The following ST7L variants were observed in gnomAD, a reference collection of about 807,000 sequenced individuals.
ST7L encodes the protein suppressor of tumorigenicity 7 protein-like.
Under a neutral mutation model 72.5 loss-of-function variants are expected in ST7L, and 57 were observed. The observed-to-expected ratio is 0.79, with a 90% CI of 0.64 to 0.98. The LOEUF (loss-of-function observed/expected upper bound fraction) is 0.98. Ranked by LOEUF, ST7L falls within the 50% of genes least tolerant of loss-of-function variation. The pLI is 0.00. For missense variants in ST7L, 576 were observed against 672.2 expected, an observed-to-expected ratio of 0.86 and a Z score of 1.58; for synonymous variants, 221 against 240.9, an observed-to-expected ratio of 0.92 and a Z score of 0.77.
chr1:112,551,210 G>A lies in ST7L; in HGVS notation c.1397-517C>T, dbSNP rs374378226. On this transcript the variant is annotated intron_variant, in intron 12 of 14. Coordinates refer to ENST00000358039, the MANE Select transcript of ST7L (RefSeq NM_017744.5). ...GTTGCCCAGGCTGGAGTGCAGTGGC[G>A]TGATCTTGGCTCACTACAAGCTCTG... Among the ~76,000 whole-genome samples, 330 of 138,232 alleles carry A rather than the reference G, an allele frequency of 2.4e-3. 2 individuals carry two copies. Among genetic ancestry groups the A allele is most frequent in the African/African-American group, 7.6e-3 (278 of 36,502 alleles). The allele number at this position is 138,232 out of a possible 152,430, so 90.7% of individuals were successfully genotyped here. A position where few individuals can be genotyped will look rare whatever the true frequency, so the allele number is the denominator to read the frequency against.
At chr1:112,530,384 A>C (rs1005153012) in intron 14 of ST7L, among the ~76,000 whole-genome samples, 10 of 152,052 alleles carry the variant, frequency 6.6e-5, no homozygotes, top group Non-Finnish European at 2.9e-5. Flanking sequence ...TTACATGCCT[A>C]ATTTGTATAA....
At chr1:112,563,797 C>T (rs563668406) in intron 11 of ST7L, among the ~76,000 whole-genome samples, 1 of 152,274 alleles carries the variant, frequency 6.6e-6, no homozygotes, top group East Asian at 1.9e-4. Context: ...TAATTTTGAA[C>T]TGCTTTGATC....
In ST7L at chr1:112,551,861, G is replaced by GAGTTA. The variant is rs1435588106; in HGVS notation, c.1397-1173_1397-1169dup. Reference sequence around the variant, plus strand: ...ACCATAGGCTAACTGATATAAACAAGAGTTAAGTTCCTTGGTCACAAAACA... The same window carrying GAGTTA: ...ACCATAGGCTAACTGATATAAACAAGAGTTAAGTTAAGTTCCTTGGTCACAAAACA... On this transcript the variant is annotated intron_variant, in intron 12 of 14. Transcript: ENST00000358039. Among the ~76,000 whole-genome samples, 4 of 152,198 alleles carry GAGTTA rather than the reference G, an allele frequency of 2.6e-5. No individual in the cohort carries two copies. In the East Asian group the frequency reaches 7.7e-4, roughly 29 times the overall value.
intron 9 of ST7L, among the ~76,000 whole-genome samples, chr1:112,580,109 GTAGGAACC>G (rs1212779873): frequency 6.6e-6 from 1 of 152,120 alleles, no homozygotes; most frequent in East Asian, 1.9e-4. Context: ...AAGCAAATGG[GTAGGAACC>G]TATAACAGGA....
chr1:112,619,040 G>T lies in ST7L; in HGVS notation c.74C>A (p.Pro25Gln). 1 of 1,613,952 alleles carries T rather than the reference G, an allele frequency of 6.2e-7. No homozygotes were observed. Among genetic ancestry groups the T allele is most frequent in the Non-Finnish European group, 8.5e-7 (1 of 1,179,988 alleles). Reference protein sequence around the residue: ...ASPASVPGLNPTLGWRERLRA... With the variant: ...ASPASVPGLNQTLGWRERLRA... ...CAGTCGCTCCCTCCAGCCTAGCGTC[G>T]GGTTTAGGCCAGGGACAGATGCAGG... The change falls in exon 1 of 15, where the codon CCG becomes CAG. Residue 25 changes from proline (P) to glutamine (Q), a missense_variant. Pro to Gln is a moderately conservative substitution (Grantham distance 76). Around this residue, in one of 3 missense-constraint regions of ST7L, gnomAD observed 56 missense variants for 45.8 expected, o/e 1.22. Coordinates refer to ENST00000358039, the MANE Select transcript of ST7L (RefSeq NM_017744.5).
intron 11 of ST7L, among the ~76,000 whole-genome samples, chr1:112,565,588 C>T (rs545356724): frequency 2.6e-5 from 4 of 152,220 alleles, no homozygotes; most frequent in South Asian, 4.1e-4. Flanking sequence ...TTAGCTAATT[C>T]AAATTAGTTA....
intron 3 of ST7L, 100 bp downstream of exon 3, chr1:112,610,741 A>G: frequency 7.1e-7 from 1 of 1,403,500 alleles, no homozygotes. Flanking sequence ...AAACACAAAC[A>G]TGCACACCAC....
At chr1:112,551,138 CTTTTTTTTTTTTTTT>C (rs567601091) in intron 12 of ST7L, among the ~76,000 whole-genome samples, 19 of 77,224 alleles carry the variant, frequency 2.5e-4, no homozygotes, top group South Asian at 4.5e-4. Context: ...ATGAGCAGAT[CTTTTTTTTTTTTTTT>C]TTTTTTTTTT....
intron 13 of ST7L, among the ~76,000 whole-genome samples, chr1:112,542,601 A>G (rs1186635312): frequency 6.6e-6 from 1 of 151,986 alleles, no homozygotes; most frequent in Non-Finnish European, 1.5e-5. Context: ...TAAAAATTTT[A>G]AAAATTAGCC....
intron 13 of ST7L, among the ~76,000 whole-genome samples, chr1:112,548,796 G>A (rs922829838): frequency 3.2e-4 from 49 of 152,212 alleles, no homozygotes; most frequent in African/African-American, 1.1e-3. Flanking sequence ...AGGCAGCTGA[G>A]ACACAAAGTG....
chr1:112,591,343 A>G (rs1665690833), intron 6 of ST7L, 182 bp downstream of exon 6: 1 of 557,806 alleles, frequency 1.8e-6, no homozygotes, highest in Non-Finnish European at 3.1e-6. Flanking sequence ...ATATAGATTT[A>G]CAATTTCAGA....
chr1:112,555,208 G>C (rs373638754), intron 12 of ST7L, among the ~76,000 whole-genome samples: 5 of 123,530 alleles, frequency 4.0e-5, no homozygotes, highest in East Asian at 5.4e-4. Flanking sequence ...GTATACATCG[G>C]AAAACAAAAC....
At chr1:112,616,373 A>T (rs1386737275) in intron 2 of ST7L, among the ~76,000 whole-genome samples, 1 of 152,112 alleles carries the variant, frequency 6.6e-6, no homozygotes, top group Non-Finnish European at 1.5e-5. Context: ...TGAATAGGTA[A>T]CTCTTTTCAA....
At chr1:112,569,841 C>T (rs543254710) in intron 11 of ST7L, among the ~76,000 whole-genome samples, 1 of 151,634 alleles carries the variant, frequency 6.6e-6, no homozygotes, top group Non-Finnish European at 1.5e-5. Context: ...ACCTGTAGTC[C>T]CAGCTACTCA....
chr1:112,599,073 A>AAAAAATATATATAT (rs1190968815), intron 4 of ST7L, among the ~76,000 whole-genome samples: 1 of 57,000 alleles, frequency 1.8e-5, no homozygotes, highest in African/African-American at 6.8e-5. Context: ...AAAAAAAAAA[A>AAAAAATATATATAT]ATATATATAT....
At chr1:112,593,313 G>A (rs1015442017) in intron 5 of ST7L, among the ~76,000 whole-genome samples, 2 of 152,150 alleles carry the variant, frequency 1.3e-5, no homozygotes, top group African/African-American at 2.4e-5. Flanking sequence ...AGGCTTAGGA[G>A]TAATTTAAAA....
In ST7L at chr1:112,582,079, T is replaced by C. The variant is rs769165263; in HGVS notation, c.982A>G (p.Met328Val). ...AAGAGATTTTCATGGATGTTCAACA[T>C]GGTAAGAGGAGGAAATTCTTTCATC... ...DLMKEFPPLTMLNIHENLLES... is the reference protein window; with the variant it reads ...DLMKEFPPLTVLNIHENLLES... Residue 328 changes from methionine (M) to valine (V), a missense_variant, in exon 9 of 15, where the codon ATG becomes GTG. Physicochemically the swap from Met to Val is conservative, Grantham distance 21. Transcript: ENST00000358039. 3.1e-6 allele frequency: 5 copies of C among 1,612,492 alleles called. No individual in the cohort carries two copies. The Admixed American group carries it at 6.7e-5, about 22-fold the overall frequency.
At chr1:112,520,475 C>A (rs761344062), downstream of ST7L, 1 of 1,614,172 alleles carries the variant, frequency 6.2e-7, no homozygotes, top group Non-Finnish European at 8.5e-7. Context: ...ACTTGCAAAG[C>A]CCCCAAGAAG....
intron 3 of ST7L, among the ~76,000 whole-genome samples, chr1:112,606,650 G>C (rs1381742014): frequency 1.3e-5 from 2 of 152,156 alleles, no homozygotes; most frequent in African/African-American, 4.8e-5. Context: ...AGTCAGCTCA[G>C]GTTGCCATAA....
Sources: gnomAD v4.1 joint callset for allele counts (sites outside exome capture counted in the v4.1 genomes callset) on GRCh38, gnomAD v4.1.1 for gene constraint, gnomAD v4.1.1 regional missense constraint, MANE v1.5 for transcripts, NCBI Gene and HGNC (gene_info 2026-07-23, HGNC 2026-07-21) for gene names.